PIBF1: variants seen among roughly 807,000 people sequenced by gnomAD.
The protein encoded by PIBF1 is progesterone-induced-blocking factor 1.
Under a neutral mutation model 112.5 loss-of-function variants are expected in PIBF1, and 90 were observed. That is an observed-to-expected ratio of 0.80 (90% CI 0.67 to 0.95). The LOEUF is 0.95. Ranked by LOEUF, PIBF1 falls within the 40% of genes least tolerant of loss-of-function variation. The pLI is 0.00. For synonymous variants in PIBF1, 301 were observed against 288.6 expected, an observed-to-expected ratio of 1.04 and a Z score of -0.44; for missense variants, 915 against 852.3, an observed-to-expected ratio of 1.07 and a Z score of -0.92.
chr13:72,898,324 G>A (rs2040356746), intron 11 of PIBF1, among the ~76,000 whole-genome samples: 1 of 151,978 alleles, frequency 6.6e-6, no homozygotes, highest in South Asian at 2.1e-4. Context: ...GTGCCAAGAG[G>A]AAAGTTGATG....
intron 11 of PIBF1, among the ~76,000 whole-genome samples, chr13:72,895,480 T>C (rs754273128): frequency 3.3e-5 from 5 of 151,688 alleles, no homozygotes; most frequent in Non-Finnish European, 7.4e-5. Flanking sequence ...AAAAAAGGAA[T>C]GGACCATTTC....
intron 15 of PIBF1, 128 bp from the exon 16 acceptor site, chr13:72,973,463 T>G (rs2042948141): frequency 5.7e-6 from 3 of 528,644 alleles, no homozygotes; most frequent in Non-Finnish European, 1.0e-5. Flanking sequence ...GTCTGGAATA[T>G]TTATGGACTA....
chr13:72,783,681 C>T lies in PIBF1; in HGVS notation c.212C>T (p.Thr71Ile), dbSNP rs116564048. Reference protein sequence around the residue: ...QLLKIELSQKTMMIDNLKVDY... With the variant: ...QLLKIELSQKIMMIDNLKVDY... ...CTAAAAATTGAGCTATCCCAGAAAA[C>T]TATGATGATCGACAATTTGAAAGTG... Residue 71 changes from threonine (T) to isoleucine (I), a missense_variant, in exon 2 of 18, where the codon ACT becomes ATT. Thr to Ile is a moderately conservative substitution (Grantham distance 89, BLOSUM62 -1). Transcript: ENST00000326291. The T allele has an allele frequency of 1.9e-5, 30 of 1,613,818 alleles. No homozygotes were observed. The East Asian group carries it at 6.2e-4, about 34-fold the overall frequency.
chr13:72,947,829 A>G (rs1306157981), intron 14 of PIBF1, among the ~76,000 whole-genome samples: 1 of 152,204 alleles, frequency 6.6e-6, no homozygotes, highest in Non-Finnish European at 1.5e-5. Flanking sequence ...AAGACTTGGA[A>G]CCAACCCAAA....
chr13:72,957,462 A>G (rs981369508), intron 14 of PIBF1, among the ~76,000 whole-genome samples: 55 of 152,174 alleles, frequency 3.6e-4, no homozygotes, highest in African/African-American at 1.3e-3. Flanking sequence ...CAGCTAAGCT[A>G]TGAGAATGCA....
chr13:72,922,739 T>C (rs2041341138), intron 13 of PIBF1, among the ~76,000 whole-genome samples: 1 of 152,240 alleles, frequency 6.6e-6, no homozygotes, highest in Non-Finnish European at 1.5e-5. Context: ...TCCTTTATTC[T>C]CATATATATG....
intron 15 of PIBF1, chr13:72,970,559 CAG>C (rs998617499): frequency 4.6e-5 from 7 of 152,114 alleles, no homozygotes; most frequent in African/African-American, 1.4e-4. Flanking sequence ...GCAGGTGAAA[CAG>C]AGCCATAAAC....
At position 72,867,613 on chromosome 13, in the gene PIBF1, T is replaced by C. The variant is rs575118211; in HGVS notation, c.1322+13458T>C. ...TACAATGAGCTCTCTAAAGAAAGAG[T>C]CCCCTTTCCTCAACTTACTGTATAT... On this transcript the variant is annotated intron_variant, in intron 10 of 17. Coordinates refer to ENST00000326291, the MANE Select transcript of PIBF1 (RefSeq NM_006346.4). Among the ~76,000 whole-genome samples, 5 of 152,098 alleles carry C rather than the reference T, an allele frequency of 3.3e-5. No homozygotes were observed. The South Asian group carries it at 8.3e-4, about 25-fold the overall frequency.
intron 2 of PIBF1, among the ~76,000 whole-genome samples, chr13:72,787,556 A>T (rs750571386): frequency 6.6e-6 from 1 of 152,230 alleles, no homozygotes; most frequent in Non-Finnish European, 1.5e-5. Flanking sequence ...GGATCTGGTA[A>T]CACCACGCGG....
At chr13:72,783,378 A>C (rs150241419) in intron 1 of PIBF1, 45 bp from the exon 2 acceptor site, 4 of 855,212 alleles carry the variant, frequency 4.7e-6, no homozygotes, top group Non-Finnish European at 5.5e-6. Context: ...TGATTTCTGT[A>C]GTTAATTTTA....
chr13:72,811,562 C>G (rs73215098), intron 5 of PIBF1, among the ~76,000 whole-genome samples: 26,964 of 146,108 alleles, frequency 0.18, 3,106 homozygotes, highest in Non-Finnish European at 0.24. Context: ...CGCCGTTGCT[C>G]TCTAGCCTGG....
intron 17 of PIBF1, among the ~76,000 whole-genome samples, chr13:73,003,055 A>G (rs924372044): frequency 6.9e-6 from 1 of 144,612 alleles, no homozygotes; most frequent in African/African-American, 2.5e-5. Flanking sequence ...GTGCACCTCC[A>G]GTGTATAGTG....
At chr13:72,973,239 A>G (rs1009415162) in intron 15 of PIBF1, among the ~76,000 whole-genome samples, 1 of 151,346 alleles carries the variant, frequency 6.6e-6, no homozygotes, top group Non-Finnish European at 1.5e-5. Flanking sequence ...GTCTGTGAGT[A>G]GCCACTGCAC....
intron 15 of PIBF1, among the ~76,000 whole-genome samples, chr13:72,968,019 A>G (rs2042790944): frequency 6.6e-6 from 1 of 151,910 alleles, no homozygotes; most frequent in Non-Finnish European, 1.5e-5. Context: ...CCCTGTCTCT[A>G]CTAAAAATAC....
chr13:72,862,264 T>C (rs1172798634), intron 10 of PIBF1, among the ~76,000 whole-genome samples: 2 of 152,132 alleles, frequency 1.3e-5, no homozygotes, highest in African/African-American at 4.8e-5. Flanking sequence ...GTTAAAGGAA[T>C]AGAATTAGAA....
rs1179307652 is a variant in PIBF1 at position 72,992,544 on chromosome 13, C to A, written c.2050-6278C>A. 3.3e-5 allele frequency among the ~76,000 whole-genome samples: 5 copies of A among 151,988 alleles called. No homozygotes were observed. The East Asian group carries it at 9.7e-4, about 29-fold the overall frequency. On this transcript the variant is annotated intron_variant, in intron 16 of 17. Coordinates refer to ENST00000326291, the MANE Select transcript of PIBF1 (RefSeq NM_006346.4). ...CAATGGTGTCATTAAGATGAATAGC[C>A]CCACTTTGGGATGCCGAGGCAGGCA...
At chr13:72,900,516 A>G (rs780291394) in intron 11 of PIBF1, among the ~76,000 whole-genome samples, 1 of 152,240 alleles carries the variant, frequency 6.6e-6, no homozygotes, top group South Asian at 2.1e-4. Context: ...ACCCTTTTCA[A>G]TAAATGGTGC....
At chr13:72,849,760 G>A (rs1171081077) in intron 9 of PIBF1, among the ~76,000 whole-genome samples, 1 of 152,200 alleles carries the variant, frequency 6.6e-6, no homozygotes, top group African/African-American at 2.4e-5. Context: ...ATGATTCACA[G>A]CACAGACTCT....
chr13:72,866,125 T>C (rs1042051356), intron 10 of PIBF1, among the ~76,000 whole-genome samples: 2 of 152,172 alleles, frequency 1.3e-5, no homozygotes, highest in Admixed American at 1.3e-4. Context: ...GCCTCTGTCT[T>C]CATGTGGCTT....
Sources: gnomAD v4.1 joint callset for allele counts (sites outside exome capture counted in the v4.1 genomes callset) on GRCh38, gnomAD v4.1.1 for gene constraint, MANE v1.5 for transcripts, NCBI Gene and HGNC (gene_info 2026-07-23, HGNC 2026-07-21) for gene names.